ADCYAP1: variants seen among roughly 807,000 people sequenced by gnomAD.
The protein encoded by ADCYAP1 is pituitary adenylate cyclase-activating polypeptide.
A neutral mutation model predicts 18.5 loss-of-function variants in ADCYAP1; 6 were observed. The observed-to-expected ratio is 0.32, with a 90% CI of 0.18 to 0.64. The LOEUF is 0.64. ADCYAP1 is among the 30% of genes least tolerant of loss of function. ADCYAP1 has a pLI of 0.77. For synonymous variants in ADCYAP1, 136 were observed against 113.9 expected, an observed-to-expected ratio of 1.19 and a Z score of -1.24; for missense variants, 314 against 253.6, an observed-to-expected ratio of 1.24 and a Z score of -1.62.
Position 905,403 on chromosome 18 carries a change from G to A in ADCYAP1, c.17G>A (p.Gly6Glu). ...CTGCGCAGAATGACCATGTGTAGCG[G>A]AGCGAGGCTGGCCCTGCTGGTCTAT... is the stretch of plus-strand genomic sequence containing the variant. MTMCS[G>E]ARLALLVYGI... The change falls in exon 2 of 5, where the codon GGA (glycine) becomes GAA (glutamate). Residue 6 changes from glycine to glutamate, a missense_variant. Transcript: ENST00000450565. 1 of 1,613,130 alleles carries A rather than the reference G, an allele frequency of 6.2e-7. No individual in the cohort carries two copies. Among genetic ancestry groups the A allele is most frequent in the Non-Finnish European group, 8.5e-7 (1 of 1,180,026 alleles).
chr18:909,172 C>T (rs1909288641), intron 4 of ADCYAP1, among the ~76,000 whole-genome samples: 1 of 152,234 alleles, frequency 6.6e-6, no homozygotes, highest in African/African-American at 2.4e-5. Context: ...AAAGGTTAGG[C>T]TTGAAGCGCG....
At position 909,529 on chromosome 18, in the gene ADCYAP1, G is replaced by A; in HGVS notation, c.425G>A (p.Ser142Asn). Residue 142 changes from serine (S) to asparagine (N), a missense_variant, in exon 5 of 5, where the codon AGC (serine) becomes AAC (asparagine). By Grantham distance (46) the Ser-to-Asn change is conservative (BLOSUM62 1). Transcript: ENST00000450565. ...GACGGGATCTTCACGGACAGCTACA[G>A]CCGCTACCGGAAACAAATGGCTGTC... ...HSDGIFTDSYSRYRKQMAVKK... is the reference protein window; with the variant it reads ...HSDGIFTDSYNRYRKQMAVKK... 1 of 1,614,150 alleles carries A rather than the reference G, an allele frequency of 6.2e-7. No homozygotes were observed. The highest frequency in any genetic ancestry group is 8.5e-7 in the Non-Finnish European group (1 of 1,180,028).
intron 1 of ADCYAP1, 156 bp from the exon 2 acceptor site, chr18:905,230 G>A: frequency 6.8e-7 from 1 of 1,464,510 alleles, no homozygotes; most frequent in Non-Finnish European, 9.0e-7. Context: ...AGCAAGAAGT[G>A]GCAGGGCGCG....
In ADCYAP1 at chr18:907,784, G is replaced by T; in HGVS notation, c.236G>T (p.Gly79Val). 6.9e-7 allele frequency: 1 copy of T among 1,440,438 alleles called. No individual in the cohort carries two copies. 89.2% of individuals were successfully genotyped at this position (1,440,438 alleles called of 1,614,324 possible). A position where few individuals can be genotyped will look rare whatever the true frequency, so the allele number is the denominator to read the frequency against. ...RAAAAWYRPA[G>V]RRDVAHGILN... ...GCCGCCGCCTGGTACCGCCCGGCCG[G>T]GAGAAGGTGAGATTCGCGCGGCCTC... Residue 79 changes from glycine to valine, a missense_variant, in exon 3 of 5, where the codon GGG becomes GTG. Coordinates refer to ENST00000450565, the MANE Select transcript of ADCYAP1 (RefSeq NM_001099733.2).
In ADCYAP1 at chr18:911,656, C is replaced by T. The variant is rs1280366914; in HGVS notation, c.*2021C>T. ...CAATCTTCCTTTAATTCCGCAGTCT[C>T]CTCAGGCAATGTGACACGGGATGCA... On this transcript the variant is annotated 3_prime_UTR_variant, in exon 5 of 5. Coordinates refer to ENST00000450565, the MANE Select transcript of ADCYAP1 (RefSeq NM_001099733.2). The T allele has an allele frequency of 1.3e-5, 2 of 152,176 alleles. No homozygotes were observed. The highest frequency in any genetic ancestry group is 4.8e-5 in the African/African-American group (2 of 41,446). 9.4% of individuals were successfully genotyped at this position (152,176 alleles called of 1,614,324 possible).
intron 4 of ADCYAP1, 67 bp from the exon 5 acceptor site, chr18:909,379 G>A (rs545506256): frequency 1.3e-4 from 188 of 1,498,748 alleles, no homozygotes; most frequent in Non-Finnish European, 1.6e-4. Context: ...GGGCCCGCCT[G>A]CTCCCCGCGG....
rs1048409261 is a variant in ADCYAP1, at chr18:907,774, C to G, written c.226C>G (p.Arg76Gly). 4.1e-6 allele frequency: 6 copies of G among 1,449,946 alleles called. No homozygotes were observed. In the Admixed American group the frequency reaches 1.7e-4, roughly 42 times the overall value. 89.8% of individuals were successfully genotyped at this position (1,449,946 alleles called of 1,614,324 possible). The change falls in exon 3 of 5, where the codon CGC (arginine) becomes GGC (glycine). Residue 76 changes from arginine (R) to glycine (G), a missense_variant. Coordinates refer to ENST00000450565, the MANE Select transcript of ADCYAP1 (RefSeq NM_001099733.2). ...GCCGCGCGCCGCCGCCGCCTGGTAC[C>G]GCCCGGCCGGGAGAAGGTGAGATTC... ...SAPRAAAAWYRPAGRRDVAHG... is the reference protein window; with the variant it reads ...SAPRAAAAWYGPAGRRDVAHG...
chr18:907,681 G>C lies in ADCYAP1; in HGVS notation c.133G>C (p.Glu45Gln), dbSNP rs750759089. 13 of 1,575,146 alleles carry C rather than the reference G, an allele frequency of 8.3e-6. No homozygotes were observed. The Admixed American group carries it at 2.1e-4, about 26-fold the overall frequency. ...CAGGCCAGAGGAAGAGGCGTACGGCGAGGACGGAAACCCGCTGCCAGACTT... is the reference window on the plus strand; with the variant it reads ...CAGGCCAGAGGAAGAGGCGTACGGCCAGGACGGAAACCCGCTGCCAGACTT... ...GIRPEEEAYG[E>Q]DGNPLPDFDG... The change falls in exon 3 of 5, where the codon GAG becomes CAG. Residue 45 changes from glutamate (E) to glutamine (Q), a missense_variant. Physicochemically the swap from Glu to Gln is conservative, Grantham distance 29. Transcript: ENST00000450565.
At position 905,201 on chromosome 18, in the gene ADCYAP1, T is replaced by TA. The variant is rs201296866; in HGVS notation, c.-2+141_-2+142insA. On this transcript the variant is annotated intron_variant, in intron 1 of 4. Transcript: ENST00000450565. ...CGCCGGGTAGATGCATATATATATA[T>TA]TTTTTTCTAACTATAGCAAGCAAGA... 1.1e-3 allele frequency: 1,488 copies of TA among 1,328,510 alleles called. 2 individuals are homozygous for TA. Among genetic ancestry groups the TA allele is most frequent in the African/African-American group, 2.4e-3 (163 of 68,184 alleles). The allele number at this position is 1,328,510 out of a possible 1,614,324, so 82.3% of individuals were successfully genotyped here. A position where few individuals can be genotyped will look rare whatever the true frequency, so the allele number is the denominator to read the frequency against.
At position 909,535 on chromosome 18, in the gene ADCYAP1, A is replaced by G; in HGVS notation, c.431A>G (p.Tyr144Cys). The G allele has an allele frequency of 6.2e-7, 1 of 1,614,192 alleles. No homozygotes were observed. Among genetic ancestry groups the G allele is most frequent in the Non-Finnish European group, 8.5e-7 (1 of 1,180,024 alleles). ...ATCTTCACGGACAGCTACAGCCGCT[A>G]CCGGAAACAAATGGCTGTCAAGAAA... ...DGIFTDSYSR[Y>C]RKQMAVKKYL... is the part of the protein sequence containing the mutation. Residue 144 changes from tyrosine (Y) to cysteine (C), a missense_variant, in exon 5 of 5, where the codon TAC (tyrosine) becomes TGC (cysteine). Physicochemically the swap from Tyr to Cys is radical, Grantham distance 194 (BLOSUM62 -2). Transcript: ENST00000450565.
chr18:910,150 G>C lies in ADCYAP1; in HGVS notation c.*515G>C, dbSNP rs150841751. ...TGCTCCAGGGAGATTTTGAGGTAAA[G>C]ATATGGAGAATTGCTGAAGGGCATT... On this transcript the variant is annotated 3_prime_UTR_variant, in exon 5 of 5. Transcript: ENST00000450565. 6.5e-6 allele frequency: 1 copy of C among 152,724 alleles called. No homozygotes were observed. Among genetic ancestry groups the C allele is most frequent in the Non-Finnish European group, 1.5e-5 (1 of 68,030 alleles). The allele number at this position is 152,724 out of a possible 1,614,324, so 9.5% of individuals were successfully genotyped here.
chr18:907,516 C>T, intron 2 of ADCYAP1, 143 bp from the exon 3 acceptor site: 2 of 894,420 alleles, frequency 2.2e-6, no homozygotes, highest in Non-Finnish European at 3.2e-6. Flanking sequence ...CTGCTCCCAC[C>T]CCCAGTCCTG....
At chr18:909,290 G>A (rs376879715) in intron 4 of ADCYAP1, among the ~76,000 whole-genome samples, 156 bp from the exon 5 acceptor site, 1 of 152,214 alleles carries the variant, frequency 6.6e-6, no homozygotes, top group Non-Finnish European at 1.5e-5. Context: ...CCCTCCCCAC[G>A]GCTGCTTCCA....
At chr18:904,746 G>C (rs1189012719), upstream of ADCYAP1, 2 of 1,251,560 alleles carry the variant, frequency 1.6e-6, no homozygotes, top group Non-Finnish European at 2.1e-6. Context: ...GTGGACTTAC[G>C]GCCACCTTGC....
intron 3 of ADCYAP1, 193 bp downstream of exon 3, chr18:907,983 G>A (rs1909242264): frequency 9.1e-7 from 1 of 1,098,864 alleles, no homozygotes; most frequent in Non-Finnish European, 1.2e-6. Context: ...GGACCTGAGG[G>A]CCGCGTGGGG....
chr18:905,414 G>A lies in ADCYAP1; in HGVS notation c.28G>A (p.Ala10Thr), dbSNP rs1002629931. The stretch of plus-strand genomic sequence containing the variant: ...GACCATGTGTAGCGGAGCGAGGCTG[G>A]CCCTGCTGGTCTATGGGATAATCAT... MTMCSGARL[A>T]LLVYGIIMHS... is the part of the protein sequence containing the mutation. The change falls in exon 2 of 5, where the codon GCC becomes ACC. Residue 10 changes from alanine to threonine, a missense_variant. Physicochemically the swap from Ala to Thr is moderately conservative, Grantham distance 58. Coordinates refer to ENST00000450565, the MANE Select transcript of ADCYAP1 (RefSeq NM_001099733.2). The A allele has an allele frequency of 1.2e-6, 2 of 1,612,964 alleles. No individual in the cohort carries two copies. The highest frequency in any genetic ancestry group is 1.7e-5 in the Admixed American group (1 of 60,028).
intron 2 of ADCYAP1, chr18:906,097 G>A (rs779841217): frequency 2.6e-5 from 4 of 152,472 alleles, no homozygotes; most frequent in Non-Finnish European, 4.4e-5. Context: ...GTGTGATTGA[G>A]GAAAAGCGAC....
chr18:910,663 G>C lies in ADCYAP1; in HGVS notation c.*1028G>C, dbSNP rs1263453853. 6.6e-6 allele frequency: 1 copy of C among 152,222 alleles called. No homozygotes were observed. The highest frequency in any genetic ancestry group is 2.4e-5 in the African/African-American group (1 of 41,456). 9.4% of individuals were successfully genotyped at this position (152,222 alleles called of 1,614,324 possible). On this transcript the variant is annotated 3_prime_UTR_variant, in exon 5 of 5. Coordinates refer to ENST00000450565, the MANE Select transcript of ADCYAP1 (RefSeq NM_001099733.2). The stretch of plus-strand genomic sequence containing the variant: ...TCCTGACTTTGGGCGCTGGGTATTG[G>C]AAATGGATGCAAAGTACAATGTGTT...
At chr18:907,418 G>A in intron 2 of ADCYAP1, 1 of 431,456 alleles carries the variant, frequency 2.3e-6, no homozygotes, top group Non-Finnish European at 4.0e-6. Flanking sequence ...GCCGTGGCCC[G>A]CAGGACGACC....
Sources: allele counts gnomAD v4.1 joint callset (sites outside exome capture counted in the v4.1 genomes callset), GRCh38; gene constraint gnomAD v4.1.1; transcripts MANE v1.5; gene names NCBI Gene and HGNC (gene_info 2026-07-23, HGNC 2026-07-21).